SECISBP2L: variants seen among roughly 807,000 people sequenced by gnomAD.
SECISBP2L encodes SECIS binding protein 2 like, also known as selenocysteine insertion sequence-binding protein 2-like.
SECISBP2L carries 43 observed loss-of-function variants against 114.7 expected under a neutral mutation model. The observed-to-expected ratio is 0.38, with a 90% CI of 0.29 to 0.48. SECISBP2L has a LOEUF of 0.48. Ranked by LOEUF, SECISBP2L falls within the 20% of genes least tolerant of loss-of-function variation. The pLI is 0.98. For missense variants in SECISBP2L, 1,136 were observed against 1,301.1 expected, an observed-to-expected ratio of 0.87 and a Z score of 1.95; for synonymous variants, 451 against 439.7, an observed-to-expected ratio of 1.03 and a Z score of -0.32.
intron 1 of SECISBP2L, among the ~76,000 whole-genome samples, chr15:49,045,850 C>T (rs1002671544): frequency 2.0e-5 from 3 of 152,198 alleles, no homozygotes; most frequent in African/African-American, 4.8e-5. Context: ...GACTTCCCTT[C>T]ATCTGTAGTT....
chr15:48,992,540 G>A lies in SECISBP2L; in HGVS notation c.3010C>T (p.His1004Tyr), dbSNP rs765142243. 9.9e-6 allele frequency: 16 copies of A among 1,614,072 alleles called. No homozygotes were observed. The highest frequency in any genetic ancestry group is 2.2e-5 in the East Asian group (1 of 44,900). ...TGCACTTCTACAGATATGGGTTCATGAGTATAATCTTCCTCCTCCTCCTCA... is the reference window on the plus strand; with the variant it reads ...TGCACTTCTACAGATATGGGTTCATAAGTATAATCTTCCTCCTCCTCCTCA... ...EDEEEEEDYT[H>Y]EPISVEVQLN... Residue 1004 changes from histidine (H) to tyrosine (Y), a missense_variant, in exon 18 of 18, where the codon CAT (histidine) becomes TAT (tyrosine). This residue lies in a region of SECISBP2L where 684 missense variants were observed against 848.7 expected (regional missense o/e 0.81). Transcript: ENST00000559471.
chr15:49,032,954 C>A lies in SECISBP2L; in HGVS notation c.664+11G>T, dbSNP rs369980334. ...AAATCAGTGACGCACATGTAAGAAC[C>A]CTTGCCTTACCAGTTTGCTGTGAAG... On this transcript the variant is annotated intron_variant, in intron 4 of 17. Coordinates refer to ENST00000559471, the MANE Select transcript of SECISBP2L (RefSeq NM_001193489.2). 3 of 1,612,468 alleles carry A rather than the reference C, an allele frequency of 1.9e-6. No individual in the cohort carries two copies. Among genetic ancestry groups the A allele is most frequent in the East Asian group, 2.2e-5 (1 of 44,854 alleles).
chr15:49,008,310 A>T (rs1348175169), intron 14 of SECISBP2L, among the ~76,000 whole-genome samples: 3 of 152,236 alleles, frequency 2.0e-5, no homozygotes, highest in Non-Finnish European at 2.9e-5. Flanking sequence ...ACTACTTCAG[A>T]AGAATATATA....
intron 9 of SECISBP2L, 123 bp from the exon 10 acceptor site, chr15:49,017,138 G>T: frequency 3.2e-6 from 3 of 935,582 alleles, no homozygotes; most frequent in Non-Finnish European, 4.7e-6. Context: ...AGAATTCAAT[G>T]TCATAAAGAA....
At chr15:49,039,555 C>T (rs1462242430) in intron 1 of SECISBP2L, among the ~76,000 whole-genome samples, 1 of 145,730 alleles carries the variant, frequency 6.9e-6, no homozygotes, top group African/African-American at 2.6e-5. Flanking sequence ...GACAGGGTCT[C>T]GCTCTGTCAC....
intron 5 of SECISBP2L, 112 bp downstream of exon 5, chr15:49,028,341 C>G: frequency 9.3e-7 from 1 of 1,073,720 alleles, no homozygotes; most frequent in Non-Finnish European, 1.4e-6. Flanking sequence ...TGTAACTATC[C>G]TATTACTACA....
At chr15:49,020,707 C>T (rs967038894) in intron 7 of SECISBP2L, among the ~76,000 whole-genome samples, 1 of 152,046 alleles carries the variant, frequency 6.6e-6, no homozygotes, top group Admixed American at 6.6e-5. Context: ...CAGGGTCTAC[C>T]TATATTGTCC....
At chr15:49,008,513 T>G (rs1008349020) in intron 14 of SECISBP2L, among the ~76,000 whole-genome samples, 1 of 152,326 alleles carries the variant, frequency 6.6e-6, no homozygotes, top group South Asian at 2.1e-4. Context: ...TGATTTGACA[T>G]TTAATTAACT....
chr15:48,996,259 G>T, intron 17 of SECISBP2L, 108 bp downstream of exon 17: 1 of 1,104,502 alleles, frequency 9.1e-7, no homozygotes, highest in Non-Finnish European at 1.3e-6. Flanking sequence ...CAAATTTCGA[G>T]CAACATTTGA....
chr15:49,032,769 T>C (rs990077092), intron 4 of SECISBP2L, among the ~76,000 whole-genome samples, 196 bp downstream of exon 4: 1 of 152,200 alleles, frequency 6.6e-6, no homozygotes, highest in African/African-American at 2.4e-5. Context: ...AAATTGTACA[T>C]AAGGCCAGCA....
chr15:49,035,331 T>C lies in SECISBP2L; in HGVS notation c.528+3A>G, dbSNP rs1902981989. ...TAAAAGCCAATCAAGACCAGACACTTACTTTTGGGACCACTGATCCTCTGT... is the reference window on the plus strand; with the variant it reads ...TAAAAGCCAATCAAGACCAGACACTCACTTTTGGGACCACTGATCCTCTGT... On this transcript the variant is annotated splice_donor_region_variant and intron_variant, in intron 3 of 17. Transcript: ENST00000559471. 6.2e-7 allele frequency: 1 copy of C among 1,611,324 alleles called. No homozygotes were observed. Among genetic ancestry groups the C allele is most frequent in the Non-Finnish European group, 8.5e-7 (1 of 1,178,066 alleles).
At chr15:49,011,133 C>T (rs1474954029) in intron 13 of SECISBP2L, among the ~76,000 whole-genome samples, 1 of 152,074 alleles carries the variant, frequency 6.6e-6, no homozygotes, top group Non-Finnish European at 1.5e-5. Context: ...AAATGTGTTG[C>T]AAAAAGTTGG....
At chr15:49,045,414 C>T (rs1191622311) in intron 1 of SECISBP2L, among the ~76,000 whole-genome samples, 1 of 152,146 alleles carries the variant, frequency 6.6e-6, no homozygotes, top group Admixed American at 6.5e-5. Context: ...TGGGCAAGGC[C>T]TTCGAAGAAG....
At position 48,996,460 on chromosome 15, in the gene SECISBP2L, T is replaced by C; in HGVS notation, c.2530A>G (p.Met844Val). ...LKNVKKVPHH[M>V]GHSRNPSAAS... ...GCAGAGGGATTCCGAGAATGTCCCATGTGGTGTGGTACCTTCTTCACATTC... is the reference window on the plus strand; with the variant it reads ...GCAGAGGGATTCCGAGAATGTCCCACGTGGTGTGGTACCTTCTTCACATTC... The change falls in exon 17 of 18, where the codon ATG becomes GTG. Residue 844 changes from methionine to valine, a missense_variant. Around this residue, in one of 2 missense-constraint regions of SECISBP2L, gnomAD observed 684 missense variants for 848.7 expected, o/e 0.81. Coordinates refer to ENST00000559471, the MANE Select transcript of SECISBP2L (RefSeq NM_001193489.2). 6.2e-7 allele frequency: 1 copy of C among 1,614,142 alleles called. No individual in the cohort carries two copies. The highest frequency in any genetic ancestry group is 8.5e-7 in the Non-Finnish European group (1 of 1,180,008).
In SECISBP2L at chr15:48,989,910, TTAA is replaced by T. The variant is rs1901937905; in HGVS notation, c.*2331_*2333del. 6.6e-6 allele frequency: 1 copy of T among 152,658 alleles called. No individual in the cohort carries two copies. The highest frequency in any genetic ancestry group is 2.1e-4 in the South Asian group (1 of 4,828). 9.5% of individuals were successfully genotyped at this position (152,658 alleles called of 1,614,324 possible). Reference sequence around the variant, plus strand: ...AAGGAAACAAGTTATAAAGACATTATTAATATTTATTTAAGCATGCTCTCAAAA... The same window carrying T: ...AAGGAAACAAGTTATAAAGACATTATTATTTATTTAAGCATGCTCTCAAAA... On this transcript the variant is annotated 3_prime_UTR_variant, in exon 18 of 18. Coordinates refer to ENST00000559471, the MANE Select transcript of SECISBP2L (RefSeq NM_001193489.2).
intron 1 of SECISBP2L, among the ~76,000 whole-genome samples, chr15:49,045,547 C>T (rs1903228946): frequency 6.6e-6 from 1 of 152,102 alleles, no homozygotes; most frequent in African/African-American, 2.4e-5. Context: ...TCATCCCTGC[C>T]TGCTACCACC....
intron 7 of SECISBP2L, among the ~76,000 whole-genome samples, chr15:49,020,086 A>T (rs574027148): frequency 1.2e-4 from 19 of 152,348 alleles, no homozygotes; most frequent in African/African-American, 4.3e-4. Flanking sequence ...ATGAAAGCCA[A>T]CAGGAGGGTC....
At chr15:49,003,415 T>A (rs1008268579) in intron 14 of SECISBP2L, among the ~76,000 whole-genome samples, 2 of 152,212 alleles carry the variant, frequency 1.3e-5, no homozygotes, top group Non-Finnish European at 2.9e-5. Flanking sequence ...CTCTTTCTAT[T>A]TGAATACCCT....
At chr15:49,018,166 T>A (rs1317969655) in intron 8 of SECISBP2L, among the ~76,000 whole-genome samples, 1 of 152,112 alleles carries the variant, frequency 6.6e-6, no homozygotes, top group East Asian at 1.9e-4. Context: ...TTGCCAGACC[T>A]GGATATATTG....
Sources: gnomAD v4.1 joint callset for allele counts (sites outside exome capture counted in the v4.1 genomes callset) on GRCh38, gnomAD v4.1.1 for gene constraint, gnomAD v4.1.1 regional missense constraint, MANE v1.5 for transcripts, NCBI Gene and HGNC (gene_info 2026-07-23, HGNC 2026-07-21) for gene names.